Variants in COQ4 observed in about 807,000 individuals in gnomAD.
COQ4 encodes coenzyme Q4, also known as ubiquinone biosynthesis protein COQ4 homolog, mitochondrial.
COQ4 carries 36 observed loss-of-function variants against 30.2 expected under a neutral mutation model. The ratio of observed to expected loss-of-function variants is 1.19; its 90% CI spans 0.91 to 1.57. The LOEUF (loss-of-function observed/expected upper bound fraction) is 1.57. COQ4 is among the 40% of genes most tolerant of loss of function. The pLI, the probability that COQ4 is intolerant of heterozygous loss-of-function variation, is 0.00. For missense variants in COQ4, 369 were observed against 371.9 expected, an observed-to-expected ratio of 0.99 and a Z score of 0.07; for synonymous variants, 197 against 161.0, an observed-to-expected ratio of 1.22 and a Z score of -1.69.
intron 4 of COQ4, among the ~76,000 whole-genome samples, chr9:128,330,082 T>C (rs967385783): frequency 3.3e-5 from 5 of 151,852 alleles, no homozygotes; most frequent in African/African-American, 4.8e-5. Flanking sequence ...AAAAATAAAA[T>C]GTGATCGGCT....
intron 4 of COQ4, among the ~76,000 whole-genome samples, chr9:128,327,394 G>A (rs1832339975): frequency 6.6e-6 from 1 of 152,126 alleles, no homozygotes; most frequent in Non-Finnish European, 1.5e-5. Flanking sequence ...AGTGAGCTGA[G>A]ATCACACCAC....
chr9:128,329,925 A>G (rs1478781403), intron 4 of COQ4, among the ~76,000 whole-genome samples: 1 of 152,120 alleles, frequency 6.6e-6, no homozygotes, highest in African/African-American at 2.4e-5. Context: ...GGGATCAGAA[A>G]AGTGCCCAGG....
intron 2 of COQ4, among the ~76,000 whole-genome samples, chr9:128,324,902 C>A (rs1040764932): frequency 6.6e-6 from 1 of 152,138 alleles, no homozygotes; most frequent in African/African-American, 2.4e-5. Context: ...TTTATAAAAT[C>A]TTTACAACGT....
chr9:128,327,183 A>T (rs919050224), intron 4 of COQ4, among the ~76,000 whole-genome samples: 1 of 152,124 alleles, frequency 6.6e-6, no homozygotes, highest in Non-Finnish European at 1.5e-5. Flanking sequence ...AGTGGCTCAC[A>T]TCTGTAATCC....
rs770722317 is a variant in COQ4 at position 128,322,842 on chromosome 9, C to T, written c.-17C>T. Reference sequence around the variant, plus strand: ...GCGTTCTTCGTACCCGCCCATCCTCCGCGGACGCCCGCTGCCATGGCGACT... The same window carrying T: ...GCGTTCTTCGTACCCGCCCATCCTCTGCGGACGCCCGCTGCCATGGCGACT... On this transcript the variant is annotated 5_prime_UTR_variant, in exon 1 of 7. Transcript: ENST00000300452. 27 of 1,536,650 alleles carry T rather than the reference C, an allele frequency of 1.8e-5. No individual in the cohort carries two copies. The East Asian group carries it at 4.9e-4, about 28-fold the overall frequency.
chr9:128,332,103 G>A (rs575610024), intron 4 of COQ4, 50 bp from the exon 5 acceptor site: 27 of 1,537,672 alleles, frequency 1.8e-5, no homozygotes, highest in Middle Eastern at 3.4e-4. Context: ...TGGCAAATCG[G>A]GCCCTGGGAA....
intron 2 of COQ4, chr9:128,323,547 A>G (rs1832254849): frequency 2.4e-6 from 1 of 410,158 alleles, no homozygotes; most frequent in Non-Finnish European, 4.3e-6. Flanking sequence ...GGCACATAGT[A>G]AATGCTCAAT....
rs1309341226 is a variant in COQ4, at chr9:128,323,071, C to G, written c.126C>G (p.Leu42=). 2 of 1,611,940 alleles carry G rather than the reference C, an allele frequency of 1.2e-6. No individual in the cohort carries two copies. ...CCGGCCCGCTATACTCGCACCACCTCCCCACCTCCCCGCTGCAGAAAGGGC... is the reference window on the plus strand; with the variant it reads ...CCGGCCCGCTATACTCGCACCACCTGCCCACCTCCCCGCTGCAGAAAGGGC... ...DGAGPLYSHH[L]PTSPLQKGLL... Residue 42 remains leucine, a synonymous_variant, in exon 2 of 7, where the codon CTC becomes CTG. Transcript: ENST00000300452.
rs1229125998 is a variant in COQ4 at position 128,331,902 on chromosome 9, A to AT, written c.403-245dup. ...ACCACCACACCCGGCTAATTTTTGT[A>AT]TTTTTTAGTAGAGACAGGGTTTCAC... On this transcript the variant is annotated intron_variant, in intron 4 of 6. Transcript: ENST00000300452. 13 of 321,128 alleles carry AT rather than the reference A, an allele frequency of 4.0e-5. No homozygotes were observed. In the East Asian group the frequency reaches 8.5e-4, roughly 21 times the overall value. 19.9% of individuals were successfully genotyped at this position (321,128 alleles called of 1,614,324 possible). A position where few individuals can be genotyped will look rare whatever the true frequency, so the allele number is the denominator to read the frequency against.
rs899754024 is a variant in COQ4 at position 128,332,176 on chromosome 9, A to T, written c.426A>T (p.Ala142=). ...AGAGGGTCTCCCCAGACACCCGAGC[A>T]CCCACCCGCTTCGTGGATGATGAGG... ...DVNRVSPDTR[A]PTRFVDDEEL... is the part of the protein sequence containing the mutation. Residue 142 remains alanine (A), a synonymous_variant, in exon 5 of 7, where the codon GCA becomes GCT. Transcript: ENST00000300452. 8.2e-6 allele frequency: 13 copies of T among 1,585,514 alleles called. No individual in the cohort carries two copies. Among genetic ancestry groups the T allele is most frequent in the Non-Finnish European group, 1.0e-5 (12 of 1,165,868 alleles).
chr9:128,332,857 C>A lies in COQ4; in HGVS notation c.540C>A (p.Ile180=). The A allele has an allele frequency of 1.2e-6, 2 of 1,613,140 alleles. No individual in the cohort carries two copies. Among genetic ancestry groups the A allele is most frequent in the South Asian group, 1.1e-5 (1 of 91,072 alleles). The part of the protein sequence containing the change: ...LGMPTNILGE[I]VVKWFEAVQT... ...CACATCCCTCACCCACAGGGGAGAT[C>A]GTGGTGAAATGGTTTGAGGCTGTCC... Residue 180 remains isoleucine (I), a synonymous_variant, in exon 6 of 7, where the codon ATC becomes ATA. Transcript: ENST00000300452.
chr9:128,332,571 G>A, intron 5 of COQ4: 1 of 583,274 alleles, frequency 1.7e-6, no homozygotes. Context: ...AAGGCCTGCA[G>A]GAACCATCCT....
Position 128,333,457 on chromosome 9 carries a change from C to A in COQ4, c.627-17C>A. ...CCCAGGGACTTGATGTTTTCTTTTT[C>A]CTCTGCTGCCCCACAGGAGCCTGCA... is the stretch of plus-strand genomic sequence containing the variant. On this transcript the variant is annotated splice_polypyrimidine_tract_variant and intron_variant, in intron 6 of 6. Transcript: ENST00000300452. 1 of 1,493,590 alleles carries A rather than the reference C, an allele frequency of 6.7e-7. No individual in the cohort carries two copies. The highest frequency in any genetic ancestry group is 1.4e-5 in the South Asian group (1 of 71,810). The allele number at this position is 1,493,590 out of a possible 1,614,324, so 92.5% of individuals were successfully genotyped here. A position where few individuals can be genotyped will look rare whatever the true frequency, so the allele number is the denominator to read the frequency against.
intron 5 of COQ4, 117 bp from the exon 6 acceptor site, chr9:128,332,733 C>A: frequency 1.2e-6 from 1 of 836,898 alleles, no homozygotes; most frequent in Non-Finnish European, 2.1e-6. Flanking sequence ...CAGGACTGGG[C>A]ACAGCTGACC....
intron 6 of COQ4, among the ~76,000 whole-genome samples, 153 bp from the exon 7 acceptor site, chr9:128,333,321 C>G (rs371950827): frequency 6.6e-6 from 1 of 152,192 alleles, no homozygotes; most frequent in African/African-American, 2.4e-5. Context: ...TTCCACCTCA[C>G]TGAGCTCTGT....
chr9:128,332,115 C>A lies in COQ4; in HGVS notation c.403-38C>A, dbSNP rs754498610. 4.5e-6 allele frequency: 7 copies of A among 1,547,386 alleles called. No individual in the cohort carries two copies. The African/African-American group carries it at 9.6e-5, about 21-fold the overall frequency. ...GACTGGCAAATCGGGCCCTGGGAAC[C>A]ATCAGGAAGGGTTCTAGGGGAGGCT... On this transcript the variant is annotated intron_variant, in intron 4 of 6. Coordinates refer to ENST00000300452, the MANE Select transcript of COQ4 (RefSeq NM_016035.5).
At chr9:128,326,497 C>G (rs1832323929) in intron 4 of COQ4, 1 of 152,380 alleles carries the variant, frequency 6.6e-6, no homozygotes, top group South Asian at 2.1e-4. Context: ...GGCTAGAGTG[C>G]AGTGGTGCGA....
chr9:128,333,743 A>G lies in COQ4; in HGVS notation c.*98A>G, dbSNP rs1408764920. 1 of 1,109,730 alleles carries G rather than the reference A, an allele frequency of 9.0e-7. No individual in the cohort carries two copies. The highest frequency in any genetic ancestry group is 2.8e-5 in the East Asian group (1 of 35,442). The allele number at this position is 1,109,730 out of a possible 1,614,324, so 68.7% of individuals were successfully genotyped here. On this transcript the variant is annotated 3_prime_UTR_variant, in exon 7 of 7. Coordinates refer to ENST00000300452, the MANE Select transcript of COQ4 (RefSeq NM_016035.5). ...CTACCTTTGTTCCTCTTCTTTGAAC[A>G]CTGACCCTTGGACAACATTTATCAT...
rs936200256 is a variant in COQ4 at position 128,323,617 on chromosome 9, C to G, written c.202+470C>G. ...GGGTTCTACAGTGTTTTTCTTATGC[C>G]TCCTAGATTTTTGAGTTCTGGGAAG... On this transcript the variant is annotated intron_variant, in intron 2 of 6. Transcript: ENST00000300452. 8.5e-6 allele frequency: 3 copies of G among 353,136 alleles called. No individual in the cohort carries two copies. In the East Asian group the frequency reaches 1.3e-4, roughly 15 times the overall value. The allele number at this position is 353,136 out of a possible 1,614,324, so 21.9% of individuals were successfully genotyped here.
Sources: gnomAD v4.1 joint callset for allele counts (sites outside exome capture counted in the v4.1 genomes callset) on GRCh38, gnomAD v4.1.1 for gene constraint, MANE v1.5 for transcripts, NCBI Gene and HGNC (gene_info 2026-07-23, HGNC 2026-07-21) for gene names.